Variants in WARS2 observed in about 807,000 individuals in gnomAD.
The protein encoded by WARS2 is tryptophanyl tRNA synthetase 2, mitochondrial, also known as tryptophan--tRNA ligase, mitochondrial.
WARS2 carries 28 observed loss-of-function variants against 36.5 expected under a neutral mutation model. The ratio of observed to expected loss-of-function variants is 0.77; its 90% CI spans 0.57 to 1.05. WARS2 has a LOEUF of 1.05. Ranked by LOEUF, WARS2 falls within the 50% of genes least tolerant of loss-of-function variation. The pLI is 0.00. For missense variants in WARS2, 435 were observed against 456.8 expected (o/e 0.95, Z 0.44); for synonymous variants, 174 against 178.4 (o/e 0.98, Z 0.20).
At position 119,032,759 on chromosome 1, in the gene WARS2, C is replaced by A. The variant is rs1013745688; in HGVS notation, c.*152G>T. ...TTTGGAACACTGTCGTATTTCAAAG[C>A]TACAAAGCAATATTCATCAAATAAA... On this transcript the variant is annotated 3_prime_UTR_variant, in exon 6 of 6. Transcript: ENST00000235521. The A allele has an allele frequency of 1.5e-5, 11 of 729,336 alleles. No individual in the cohort carries two copies. The highest frequency in any genetic ancestry group is 2.2e-5 in the Non-Finnish European group (10 of 456,410). 45.2% of individuals were successfully genotyped at this position (729,336 alleles called of 1,614,324 possible).
intron 1 of WARS2, among the ~76,000 whole-genome samples, chr1:119,086,459 T>C (rs1160960239): frequency 1.3e-5 from 2 of 152,140 alleles, no homozygotes; most frequent in Non-Finnish European, 2.9e-5. Context: ...TCAAATATAA[T>C]ATTCTTAGAT....
chr1:119,071,043 C>G (rs1020366911), intron 2 of WARS2, among the ~76,000 whole-genome samples: 9 of 152,012 alleles, frequency 5.9e-5, no homozygotes, highest in Non-Finnish European at 1.2e-4. Context: ...ATTGGCCAAG[C>G]TTGGTGGCAG....
At chr1:119,073,528 A>G (rs147171775) in intron 2 of WARS2, among the ~76,000 whole-genome samples, 1 of 152,308 alleles carries the variant, frequency 6.6e-6, no homozygotes, top group Non-Finnish European at 1.5e-5. Context: ...ATTCTCCACA[A>G]TGGAGCTGAA....
intron 2 of WARS2, among the ~76,000 whole-genome samples, chr1:119,065,083 A>T (rs1301873103): frequency 6.6e-6 from 1 of 152,180 alleles, no homozygotes. Context: ...AAGTTAAGTT[A>T]AAAAAAGAGC....
chr1:119,058,464 C>A, intron 2 of WARS2, among the ~76,000 whole-genome samples: 1 of 135,260 alleles, frequency 7.4e-6, no homozygotes, highest in Non-Finnish European at 1.6e-5. Context: ...CCCCCTCCCC[C>A]AACCCCACCA....
At chr1:119,140,159 C>T (rs587755693) in intron 1 of WARS2, 49 of 161,732 alleles carry the variant, frequency 3.0e-4, no homozygotes, top group African/African-American at 1.2e-3. Context: ...TCCGATAGCC[C>T]CTTAGCGTGT....
intron 1 of WARS2, among the ~76,000 whole-genome samples, chr1:119,111,375 T>G (rs1654625184): frequency 1.3e-5 from 2 of 152,180 alleles, no homozygotes; most frequent in Admixed American, 6.5e-5. Context: ...CTTTTCGGCT[T>G]ATTTTTTCAT....
intron 2 of WARS2, chr1:119,063,892 G>T (rs1453457929): frequency 6.6e-6 from 1 of 152,194 alleles, no homozygotes; most frequent in Admixed American, 6.5e-5. Context: ...AGGAAATGTG[G>T]GGTTGGAGCC....
intron 2 of WARS2, among the ~76,000 whole-genome samples, chr1:119,060,553 G>A (rs977644549): frequency 2.0e-5 from 3 of 152,228 alleles, no homozygotes; most frequent in Non-Finnish European, 4.4e-5. Context: ...ATACAACTCA[G>A]TTGATAGCAA....
At chr1:119,116,657 C>G (rs1654991330) in intron 1 of WARS2, among the ~76,000 whole-genome samples, 1 of 152,166 alleles carries the variant, frequency 6.6e-6, no homozygotes, top group South Asian at 2.1e-4. Flanking sequence ...ATACTTAGAG[C>G]TGAAATGGAT....
intron 1 of WARS2, among the ~76,000 whole-genome samples, chr1:119,135,715 C>CGATAGAT (rs147830062): frequency 1.4e-5 from 2 of 146,966 alleles, no homozygotes; most frequent in African/African-American, 5.0e-5. Flanking sequence ...ATTAGATAGA[C>CGATAGAT]AGATAGATAG....
intron 2 of WARS2, among the ~76,000 whole-genome samples, chr1:119,049,712 C>T (rs1270630486): frequency 6.6e-6 from 1 of 152,202 alleles, no homozygotes. Flanking sequence ...GTTGCTTAGG[C>T]AAAAACCTTG....
chr1:119,109,078 A>T (rs1181608578), intron 1 of WARS2, among the ~76,000 whole-genome samples: 1 of 151,956 alleles, frequency 6.6e-6, no homozygotes, highest in Non-Finnish European at 1.5e-5. Context: ...CTAAGGTCAG[A>T]TGTTGTAACA....
chr1:119,112,998 G>A, intron 1 of WARS2, among the ~76,000 whole-genome samples: 1 of 152,264 alleles, frequency 6.6e-6, no homozygotes, highest in East Asian at 1.9e-4. Context: ...TGAGAAAGAA[G>A]TAAGGTCAAT....
chr1:119,114,633 G>C (rs972224314), intron 1 of WARS2, among the ~76,000 whole-genome samples: 2 of 152,150 alleles, frequency 1.3e-5, no homozygotes, highest in African/African-American at 4.8e-5. Flanking sequence ...AGTTGTCCTA[G>C]TAATCAGAGT....
intron 1 of WARS2, among the ~76,000 whole-genome samples, chr1:119,122,670 A>G (rs930672327): frequency 1.3e-5 from 2 of 152,230 alleles, no homozygotes; most frequent in Non-Finnish European, 2.9e-5. Context: ...GTGGGTAAAG[A>G]AAGTGTGGCA....
intron 2 of WARS2, among the ~76,000 whole-genome samples, chr1:119,048,784 G>A (rs1649075354): frequency 6.7e-6 from 1 of 150,090 alleles, no homozygotes; most frequent in Admixed American, 6.6e-5. Flanking sequence ...CCCAAGACCC[G>A]GCCAGGCGCG....
At chr1:119,055,183 G>A (rs1298857473) in intron 2 of WARS2, among the ~76,000 whole-genome samples, 1 of 152,128 alleles carries the variant, frequency 6.6e-6, no homozygotes, top group Non-Finnish European at 1.5e-5. Flanking sequence ...ACATGGAAGG[G>A]CTGGTTTGAG....
At chr1:119,065,310 AC>A (rs1650736298) in intron 2 of WARS2, among the ~76,000 whole-genome samples, 1 of 152,190 alleles carries the variant, frequency 6.6e-6, no homozygotes, top group Non-Finnish European at 1.5e-5. Context: ...AATGAGGTCC[AC>A]TCAAGAAGTT....
Sources: allele counts gnomAD v4.1 joint callset (sites outside exome capture counted in the v4.1 genomes callset), GRCh38; gene constraint gnomAD v4.1.1; transcripts MANE v1.5; gene names NCBI Gene and HGNC (gene_info 2026-07-23, HGNC 2026-07-21).